The following ALDH1L1 variants were observed in gnomAD, a reference collection of about 807,000 sequenced individuals.
ALDH1L1 encodes aldehyde dehydrogenase 1 family member L1, also known as cytosolic 10-formyltetrahydrofolate dehydrogenase.
In ALDH1L1, 68 loss-of-function variants were observed where a neutral mutation model predicts 101.1. The ratio of observed to expected loss-of-function variants is 0.67; its 90% CI spans 0.55 to 0.82. The LOEUF is 0.82. Ranked by LOEUF, ALDH1L1 falls within the 40% of genes least tolerant of loss-of-function variation. The pLI, the probability that ALDH1L1 is intolerant of heterozygous loss-of-function variation, is 0.00. For synonymous variants in ALDH1L1, 486 were observed against 470.8 expected (o/e 1.03, Z -0.42); for missense variants, 1,087 against 1,172.7 (o/e 0.93, Z 1.07).
rs185598381 is a variant in ALDH1L1 at position 126,150,577 on chromosome 3, C to A, written c.859-46G>T. 8,241 of 1,524,042 alleles carry A rather than the reference C, an allele frequency of 5.4e-3. 43 individuals carry two copies. Among genetic ancestry groups the A allele is most frequent in the Non-Finnish European group, 6.4e-3 (7,281 of 1,130,650 alleles). 94.4% of individuals were successfully genotyped at this position (1,524,042 alleles called of 1,614,324 possible). ...TTTCTTTTCTTTTCTTTTTTTGAGA[C>A]AGAGTCTTGCTCTGTTGCCCAGGCT... On this transcript the variant is annotated intron_variant, in intron 7 of 22. Coordinates refer to ENST00000393434, the MANE Select transcript of ALDH1L1 (RefSeq NM_012190.4).
chr3:126,147,584 T>A (rs1472149691), intron 8 of ALDH1L1, among the ~76,000 whole-genome samples: 6 of 152,186 alleles, frequency 3.9e-5, no homozygotes, highest in Admixed American at 1.3e-4. Flanking sequence ...CAAGATGGGA[T>A]GACTGCTCTC....
intron 18 of ALDH1L1, among the ~76,000 whole-genome samples, chr3:126,113,236 A>G (rs1234724852): frequency 6.6e-6 from 1 of 152,046 alleles, no homozygotes; most frequent in African/African-American, 2.4e-5. Context: ...GCGGCCCAGG[A>G]GGTGCCGACT....
intron 1 of ALDH1L1, among the ~76,000 whole-genome samples, chr3:126,194,836 A>AT (rs1257678001): frequency 2.6e-5 from 4 of 152,036 alleles, no homozygotes; most frequent in Admixed American, 2.6e-4. Context: ...ATGTAAAACT[A>AT]TTTTTTAGTA....
At chr3:126,180,997 G>C (rs1351322565), upstream of ALDH1L1, 2 of 1,608,326 alleles carry the variant, frequency 1.2e-6, no homozygotes, top group Non-Finnish European at 1.7e-6. Context: ...AGCGAAAGGA[G>C]ACGCTGCCCT....
At chr3:126,106,908 C>T (rs755601679) in intron 21 of ALDH1L1, among the ~76,000 whole-genome samples, 1 of 152,212 alleles carries the variant, frequency 6.6e-6, no homozygotes, top group Non-Finnish European at 1.5e-5. Flanking sequence ...GTGACAAGGA[C>T]AGGGAAGGGA....
upstream of ALDH1L1, chr3:126,181,144 C>T: frequency 1.3e-6 from 1 of 752,808 alleles, no homozygotes; most frequent in South Asian, 1.6e-5. Context: ...CTGCAATTCC[C>T]CTTCTCCACT....
intron 17 of ALDH1L1, among the ~76,000 whole-genome samples, chr3:126,116,037 TA>T (rs2079962435): frequency 7.9e-6 from 1 of 125,972 alleles, no homozygotes; most frequent in African/African-American, 4.5e-5. Context: ...CACACCTGGC[TA>T]TTTTTTTTTT....
chr3:126,151,628 T>C (rs1450861165), intron 7 of ALDH1L1: 2 of 152,216 alleles, frequency 1.3e-5, no homozygotes, highest in Non-Finnish European at 2.9e-5. Context: ...GGTGGGTGCA[T>C]GTCACTGTGC....
chr3:126,188,796 A>ACTATT (rs1207823478), intron 1 of ALDH1L1, among the ~76,000 whole-genome samples: 4 of 152,224 alleles, frequency 2.6e-5, no homozygotes, highest in Non-Finnish European at 5.9e-5. Flanking sequence ...CAGGAAGACT[A>ACTATT]CTATTATGAC....
chr3:126,186,130 C>G (rs2081516498), upstream of ALDH1L1, among the ~76,000 whole-genome samples: 1 of 152,134 alleles, frequency 6.6e-6, no homozygotes, highest in Non-Finnish European at 1.5e-5. Flanking sequence ...AGTGTGAATG[C>G]TCTTAAAAAC....
intron 16 of ALDH1L1, 152 bp from the exon 17 acceptor site, chr3:126,118,250 A>AGCC (rs1363573949): frequency 4.6e-6 from 3 of 658,928 alleles, no homozygotes; most frequent in Non-Finnish European, 8.1e-6. Flanking sequence ...GGGCTCATGG[A>AGCC]GCCTCGCTCC....
chr3:126,123,238 G>T (rs2080112475), intron 16 of ALDH1L1, among the ~76,000 whole-genome samples: 1 of 149,664 alleles, frequency 6.7e-6, no homozygotes. Context: ...GTCACAAGGT[G>T]TGAGGTATCA....
In ALDH1L1 at chr3:126,117,906, T is replaced by G. The variant is rs534224203; in HGVS notation, c.1982+99A>C. 4,904 of 1,217,992 alleles carry G rather than the reference T, an allele frequency of 4.0e-3. 18 individuals are homozygous for G. The highest frequency in any genetic ancestry group is 5.2e-3 in the Non-Finnish European group (4,426 of 853,894). 75.4% of individuals were successfully genotyped at this position (1,217,992 alleles called of 1,614,324 possible). A position where few individuals can be genotyped will look rare whatever the true frequency, so the allele number is the denominator to read the frequency against. On this transcript the variant is annotated intron_variant, in intron 17 of 22. Coordinates refer to ENST00000393434, the MANE Select transcript of ALDH1L1 (RefSeq NM_012190.4). Reference sequence around the variant, plus strand: ...CAGGGCCACGGAAGTGGCTGTGCCCTGGAGCCTGGGAAGCAGGACACAGCT... The same window carrying G: ...CAGGGCCACGGAAGTGGCTGTGCCCGGGAGCCTGGGAAGCAGGACACAGCT...
At chr3:126,138,344 A>T (rs531523171) in intron 9 of ALDH1L1, among the ~76,000 whole-genome samples, 282 of 152,364 alleles carry the variant, frequency 1.9e-3, no homozygotes, top group African/African-American at 6.1e-3. Context: ...GAATGAAAAC[A>T]TAAGCCACAG....
At position 126,109,812 on chromosome 3, in the gene ALDH1L1, C is replaced by G. The variant is rs780729377; in HGVS notation, c.2347+132G>C. ...CCACAGCCCAGTCCATCCCAGGTCCCAGATGGGGCTGCAGCCTGACTGTGT... is the reference window on the plus strand; with the variant it reads ...CCACAGCCCAGTCCATCCCAGGTCCGAGATGGGGCTGCAGCCTGACTGTGT... On this transcript the variant is annotated intron_variant, in intron 20 of 22. Coordinates refer to ENST00000393434, the MANE Select transcript of ALDH1L1 (RefSeq NM_012190.4). 1.0e-3 allele frequency: 1,352 copies of G among 1,319,966 alleles called. 1 individual carries two copies. The highest frequency in any genetic ancestry group is 1.3e-3 in the Non-Finnish European group (1,280 of 971,420). The allele number at this position is 1,319,966 out of a possible 1,614,324, so 81.8% of individuals were successfully genotyped here. A position where few individuals can be genotyped will look rare whatever the true frequency, so the allele number is the denominator to read the frequency against.
chr3:126,145,867 C>G (rs1054961170), intron 9 of ALDH1L1, among the ~76,000 whole-genome samples: 1 of 152,170 alleles, frequency 6.6e-6, no homozygotes, highest in Non-Finnish European at 1.5e-5. Flanking sequence ...ATACTCTTAA[C>G]TATTTACAGA....
chr3:126,137,700 C>T, intron 10 of ALDH1L1, 113 bp downstream of exon 10: 1 of 1,440,734 alleles, frequency 6.9e-7, no homozygotes. Flanking sequence ...AGGGTGGGCT[C>T]CTGGGGCCCT....
intron 10 of ALDH1L1, 148 bp downstream of exon 10, chr3:126,137,665 G>T: frequency 8.7e-7 from 1 of 1,149,142 alleles, no homozygotes; most frequent in Non-Finnish European, 1.2e-6. Context: ...GCTATCCCGG[G>T]TGCAGGGAGA....
chr3:126,138,151 C>T (rs1274289122), intron 9 of ALDH1L1, among the ~76,000 whole-genome samples, 191 bp from the exon 10 acceptor site: 2 of 152,164 alleles, frequency 1.3e-5, no homozygotes, highest in Non-Finnish European at 2.9e-5. Flanking sequence ...AATTCTCGCT[C>T]CATTACTTTC....
Sources: gnomAD v4.1 joint callset for allele counts (sites outside exome capture counted in the v4.1 genomes callset) on GRCh38, gnomAD v4.1.1 for gene constraint, MANE v1.5 for transcripts, NCBI Gene and HGNC (gene_info 2026-07-23, HGNC 2026-07-21) for gene names.